IDNK: variants seen among roughly 807,000 people sequenced by gnomAD.
IDNK encodes the protein gluconokinase.
In IDNK, 9 loss-of-function variants were observed where a neutral mutation model predicts 13.0. That is an observed-to-expected ratio of 0.69 (90% CI 0.42 to 1.21). The LOEUF is 1.21. Ranked by LOEUF, IDNK falls within the 50% of genes most tolerant of loss-of-function variation. The probability of loss-of-function intolerance (pLI) is 0.00; values close to 1 mark genes in which losing one functional copy is unlikely to be tolerated. For synonymous variants in IDNK, 92 were observed against 94.9 expected (o/e 0.97, Z 0.18); for missense variants, 210 against 237.8 (o/e 0.88, Z 0.77).
At chr9:83,630,632 T>C (rs962301633) in intron 3 of IDNK, among the ~76,000 whole-genome samples, 8 of 152,246 alleles carry the variant, frequency 5.3e-5, no homozygotes, top group Non-Finnish European at 1.2e-4. Context: ...ATAAATCATA[T>C]ATACATGCCA....
At chr9:83,643,404 CTTTT>C in intron 4 of IDNK, 21 bp from the exon 5 acceptor site, 3 of 1,362,726 alleles carry the variant, frequency 2.2e-6, no homozygotes, top group Non-Finnish European at 3.0e-6. Flanking sequence ...TAGCCTCCCT[CTTTT>C]TTTTTTCTTT....
intron 1 of IDNK, 163 bp downstream of exon 1, chr9:83,623,384 C>T (rs1830756656): frequency 5.9e-6 from 4 of 676,866 alleles, no homozygotes; most frequent in African/African-American, 1.9e-5. Context: ...GCCCTCTCCC[C>T]GCCCTCCAGC....
At chr9:83,642,575 A>G (rs1191354310) in intron 4 of IDNK, among the ~76,000 whole-genome samples, 1 of 147,526 alleles carries the variant, frequency 6.8e-6, no homozygotes, top group Non-Finnish European at 1.5e-5. Flanking sequence ...AAAAAAAAAA[A>G]GCAGGGGAGG....
At chr9:83,642,872 CAG>C (rs1831349967) in intron 4 of IDNK, among the ~76,000 whole-genome samples, 1 of 152,208 alleles carries the variant, frequency 6.6e-6, no homozygotes, top group South Asian at 2.1e-4. Context: ...ACCTTGCCCA[CAG>C]AGAGGCTGAT....
At chr9:83,642,981 C>G (rs1402075269) in intron 4 of IDNK, among the ~76,000 whole-genome samples, 1 of 152,146 alleles carries the variant, frequency 6.6e-6, no homozygotes, top group Admixed American at 6.5e-5. Context: ...TTGTAGAATG[C>G]AGATCCCTGA....
intron 1 of IDNK, among the ~76,000 whole-genome samples, chr9:83,625,560 T>C (rs1464937724): frequency 6.6e-6 from 1 of 152,256 alleles, no homozygotes; most frequent in African/African-American, 2.4e-5. Context: ...TCCAATGTTA[T>C]TGACTAGCTG....
intron 3 of IDNK, among the ~76,000 whole-genome samples, chr9:83,634,069 A>T (rs1480418226): frequency 6.6e-6 from 1 of 152,138 alleles, no homozygotes; most frequent in African/African-American, 2.4e-5. Flanking sequence ...CTAGAACTTG[A>T]ATTTCTACAC....
At chr9:83,627,665 T>C (rs1830892070) in intron 1 of IDNK, among the ~76,000 whole-genome samples, 1 of 152,172 alleles carries the variant, frequency 6.6e-6, no homozygotes, top group Admixed American at 6.5e-5. Flanking sequence ...GTGCCGGTGA[T>C]TCATGAGATA....
intron 3 of IDNK, among the ~76,000 whole-genome samples, chr9:83,634,089 C>G (rs1258572150): frequency 6.6e-6 from 1 of 152,116 alleles, no homozygotes; most frequent in African/African-American, 2.4e-5. Flanking sequence ...CTGGCGCTGC[C>G]TTGGAAAAAA....
At chr9:83,628,833 A>T (rs776940953) in intron 2 of IDNK, 40 bp from the exon 3 acceptor site, 2 of 1,421,552 alleles carry the variant, frequency 1.4e-6, no homozygotes, top group Non-Finnish European at 2.0e-6. Flanking sequence ...ACATTGGCCC[A>T]TCTGCCTGCC....
At chr9:83,640,360 G>C (rs1203988818) in intron 3 of IDNK, among the ~76,000 whole-genome samples, 3 of 152,114 alleles carry the variant, frequency 2.0e-5, no homozygotes, top group Non-Finnish European at 4.4e-5. Flanking sequence ...TTAAAATATA[G>C]GCCCATCTCA....
intron 3 of IDNK, among the ~76,000 whole-genome samples, chr9:83,632,703 TG>T (rs1831056060): frequency 1.3e-5 from 2 of 152,290 alleles, no homozygotes; most frequent in South Asian, 4.1e-4. Flanking sequence ...GTGAAAACCT[TG>T]AACATCAGAG....
At chr9:83,630,483 T>C (rs752296508) in intron 3 of IDNK, among the ~76,000 whole-genome samples, 12 of 152,170 alleles carry the variant, frequency 7.9e-5, no homozygotes, top group Non-Finnish European at 1.3e-4. Context: ...TCCTGTGGGG[T>C]AGGAATGGTA....
intron 3 of IDNK, among the ~76,000 whole-genome samples, chr9:83,630,115 C>G (rs1213348857): frequency 1.3e-5 from 2 of 152,238 alleles, no homozygotes; most frequent in Non-Finnish European, 2.9e-5. Context: ...GGTGTCCTTT[C>G]CCTAGCTCAC....
intron 3 of IDNK, among the ~76,000 whole-genome samples, chr9:83,637,709 G>A (rs1218501088): frequency 1.3e-5 from 2 of 152,230 alleles, no homozygotes; most frequent in African/African-American, 4.8e-5. Context: ...GAGAGCAGGA[G>A]GCTGAGGTTT....
intron 3 of IDNK, among the ~76,000 whole-genome samples, chr9:83,631,545 G>A (rs1037599559): frequency 1.3e-5 from 2 of 149,674 alleles, no homozygotes; most frequent in Non-Finnish European, 3.0e-5. Flanking sequence ...CCAGGAGTTC[G>A]AGGGTACAGT....
intron 1 of IDNK, among the ~76,000 whole-genome samples, chr9:83,627,821 AT>A (rs1830896851): frequency 6.8e-6 from 1 of 147,748 alleles, no homozygotes; most frequent in South Asian, 2.2e-4. Context: ...TTTCAGCAGA[AT>A]TTTATCACTA....
chr9:83,635,937 G>A (rs1831153425), intron 3 of IDNK, among the ~76,000 whole-genome samples: 1 of 152,182 alleles, frequency 6.6e-6, no homozygotes, highest in Admixed American at 6.5e-5. Flanking sequence ...CCCAGAGTGG[G>A]AAGTAGAACC....
intron 3 of IDNK, among the ~76,000 whole-genome samples, chr9:83,637,220 A>G (rs534436769): frequency 1.3e-5 from 2 of 152,370 alleles, no homozygotes; most frequent in Admixed American, 1.3e-4. Context: ...CTCTGGTTAA[A>G]TAGTGTGTGC....
Sources: allele counts gnomAD v4.1 joint callset (sites outside exome capture counted in the v4.1 genomes callset), GRCh38; gene constraint gnomAD v4.1.1; transcripts MANE v1.5; gene names NCBI Gene and HGNC (gene_info 2026-07-23, HGNC 2026-07-21).